The following RANBP2 variants were observed in gnomAD, a reference collection of about 807,000 sequenced individuals.
RANBP2 encodes the protein RAN binding protein 2.
RANBP2 carries 57 observed loss-of-function variants against 303.6 expected under a neutral mutation model. The observed-to-expected ratio is 0.19, with a 90% CI of 0.15 to 0.23. The LOEUF (loss-of-function observed/expected upper bound fraction) is 0.23, where lower values mean the gene tolerates loss of function less well. Among genes scored for constraint, RANBP2 ranks in the 10% least tolerant of loss-of-function variants. The pLI, the probability that RANBP2 is intolerant of heterozygous loss-of-function variation, is 1.00. For missense variants in RANBP2, 3,138 were observed against 3,780.8 expected (o/e 0.83, Z 4.46); for synonymous variants, 1,167 against 1,301.5 (o/e 0.90, Z 2.23).
chr2:108,812,337 A>C, the RANBP2 span, among the ~76,000 whole-genome samples: 1 of 152,198 alleles, frequency 6.6e-6, no homozygotes, highest in Admixed American at 6.5e-5. Flanking sequence ...GTTATAGTTC[A>C]GATAACAGTG....
intron 2 of RANBP2, among the ~76,000 whole-genome samples, chr2:108,729,646 G>T (rs1253827056): frequency 6.6e-6 from 1 of 151,978 alleles, no homozygotes; most frequent in Non-Finnish European, 1.5e-5. Context: ...CTATCCTAGG[G>T]ATAAGAAGCT....
chr2:109,340,364 G>A, the RANBP2 span, among the ~76,000 whole-genome samples: 2 of 152,210 alleles, frequency 1.3e-5, no homozygotes, highest in African/African-American at 2.4e-5. Context: ...ACAGGAAGGG[G>A]CAAGGTCTGG....
chr2:108,994,153 A>ACCTTATTAAAATG, the RANBP2 span, among the ~76,000 whole-genome samples: 1 of 152,170 alleles, frequency 6.6e-6, no homozygotes, highest in African/African-American at 2.4e-5. Flanking sequence ...CCCCCCATGG[A>ACCTTATTAAAATG]CACCTTATTA....
the RANBP2 span, among the ~76,000 whole-genome samples, chr2:109,037,613 G>C: frequency 1.3e-5 from 2 of 152,094 alleles, no homozygotes; most frequent in African/African-American, 4.8e-5. Context: ...CAAGGTAGCA[G>C]GGTACAATAG....
chr2:108,981,030 G>A, the RANBP2 span, among the ~76,000 whole-genome samples: 1 of 152,206 alleles, frequency 6.6e-6, no homozygotes, highest in East Asian at 1.9e-4. Context: ...AACTCAGCCC[G>A]TGAGTGCATA....
At chr2:109,641,296 G>A in the RANBP2 span, among the ~76,000 whole-genome samples, 1 of 152,114 alleles carries the variant, frequency 6.6e-6, no homozygotes, top group Non-Finnish European at 1.5e-5. Context: ...ACACCAGCAT[G>A]CCCATTCATA....
the RANBP2 span, among the ~76,000 whole-genome samples, chr2:109,071,392 G>A: frequency 1.3e-5 from 2 of 152,154 alleles, no homozygotes; most frequent in South Asian, 2.1e-4. Flanking sequence ...CTGCATAGAG[G>A]GCCAGGCACA....
At chr2:109,205,446 C>T in the RANBP2 span, among the ~76,000 whole-genome samples, 2 of 152,146 alleles carry the variant, frequency 1.3e-5, no homozygotes, top group African/African-American at 4.8e-5. Flanking sequence ...GACAGGGTTT[C>T]ACCATGTTGG....
the RANBP2 span, chr2:109,667,050 C>G: frequency 1.8e-6 from 1 of 570,784 alleles, no homozygotes; most frequent in Non-Finnish European, 3.1e-6. Flanking sequence ...AAAAGTCAAT[C>G]CAGTGAGAAG....
the RANBP2 span, among the ~76,000 whole-genome samples, chr2:109,167,033 A>G: frequency 6.6e-6 from 1 of 152,186 alleles, no homozygotes; most frequent in Admixed American, 6.5e-5. Context: ...CACACCACTC[A>G]TCGGTGTCCC....
chr2:109,271,129 G>T, the RANBP2 span, among the ~76,000 whole-genome samples: 1 of 152,214 alleles, frequency 6.6e-6, no homozygotes, highest in Non-Finnish European at 1.5e-5. Context: ...CGAAGTGCAG[G>T]CAGAGAGCCA....
the RANBP2 span, among the ~76,000 whole-genome samples, chr2:109,492,368 GCT>G: frequency 6.6e-6 from 1 of 152,142 alleles, no homozygotes; most frequent in East Asian, 1.9e-4. Context: ...AGTGGACAGG[GCT>G]CTCTGCAGAA....
chr2:109,542,059 TGTTA>T, the RANBP2 span, among the ~76,000 whole-genome samples: 25 of 152,348 alleles, frequency 1.6e-4, 1 homozygote, highest in East Asian at 4.6e-3. Flanking sequence ...GATTAACGGC[TGTTA>T]GTTAGAGACA....
the RANBP2 span, among the ~76,000 whole-genome samples, chr2:109,292,229 G>A: frequency 2.0e-5 from 3 of 152,184 alleles, no homozygotes; most frequent in South Asian, 6.2e-4. Flanking sequence ...CAGAAAATTT[G>A]TAATGTATAA....
the RANBP2 span, among the ~76,000 whole-genome samples, chr2:109,540,096 G>A: frequency 3.9e-5 from 6 of 152,132 alleles, no homozygotes; most frequent in Admixed American, 3.9e-4. Flanking sequence ...CTTAGAGACA[G>A]GAATTTTTTA....
chr2:109,012,456 C>G, the RANBP2 span, among the ~76,000 whole-genome samples: 1 of 152,170 alleles, frequency 6.6e-6, no homozygotes, highest in Non-Finnish European at 1.5e-5. Context: ...CTTTTCCCCC[C>G]AGCCCTGGGA....
the RANBP2 span, among the ~76,000 whole-genome samples, chr2:108,881,401 T>C: frequency 6.6e-6 from 1 of 152,254 alleles, no homozygotes; most frequent in Non-Finnish European, 1.5e-5. Context: ...TTGTGGCCGA[T>C]TTGTATCAAG....
chr2:109,353,928 G>A, the RANBP2 span, among the ~76,000 whole-genome samples: 6 of 152,104 alleles, frequency 3.9e-5, no homozygotes, highest in Admixed American at 3.3e-4. Context: ...GTTCAGATAC[G>A]TGAACACGAT....
chr2:109,148,431 G>A, the RANBP2 span, among the ~76,000 whole-genome samples: 2 of 152,086 alleles, frequency 1.3e-5, no homozygotes, highest in African/African-American at 2.4e-5. Context: ...TCCCTTTTTG[G>A]ACAAATTGGT....
Sources: gnomAD v4.1 joint callset for allele counts (sites outside exome capture counted in the v4.1 genomes callset) on GRCh38, gnomAD v4.1.1 for gene constraint, MANE v1.5 for transcripts, NCBI Gene and HGNC (gene_info 2026-07-23, HGNC 2026-07-21) for gene names.